SMC3: variants seen among roughly 807,000 people sequenced by gnomAD.
The protein encoded by SMC3 is structural maintenance of chromosomes 3.
SMC3 carries 20 observed loss-of-function variants against 171.8 expected under a neutral mutation model. The observed-to-expected ratio is 0.12, with a 90% CI of 0.08 to 0.17. The LOEUF is 0.17. SMC3 is among the 10% of genes least tolerant of loss of function. The pLI is 1.00. For synonymous variants in SMC3, 464 were observed against 451.1 expected (o/e 1.03, Z -0.36); for missense variants, 543 against 1,420.4 (o/e 0.38, Z 9.93).
chr10:110,572,138 T>C (rs1860881671), intron 2 of SMC3, among the ~76,000 whole-genome samples: 2 of 152,212 alleles, frequency 1.3e-5, no homozygotes, highest in South Asian at 4.1e-4. Flanking sequence ...TCACCTGTTG[T>C]TAACATTTTC....
intron 7 of SMC3, 88 bp downstream of exon 7, chr10:110,578,794 A>G: frequency 1.0e-6 from 1 of 999,448 alleles, no homozygotes; most frequent in Non-Finnish European, 1.5e-6. Flanking sequence ...TTGAGTGGTT[A>G]AGCTGAAGCA....
intron 13 of SMC3, among the ~76,000 whole-genome samples, chr10:110,589,155 C>T (rs534486445): frequency 1.3e-5 from 2 of 151,806 alleles, no homozygotes; most frequent in East Asian, 1.9e-4. Context: ...TTTGGGAGGC[C>T]GAGACGGGCG....
intron 4 of SMC3, among the ~76,000 whole-genome samples, chr10:110,577,131 T>C (rs940939470): frequency 1.3e-5 from 2 of 152,166 alleles, no homozygotes; most frequent in African/African-American, 4.8e-5. Flanking sequence ...TCTTATTTTT[T>C]ATTTAGAATC....
Position 110,575,409 on chromosome 10 carries a change from T to TGA in SMC3, c.198+9_198+10dup, listed in dbSNP as rs1352357686. 1 of 1,600,024 alleles carries TGA rather than the reference T, an allele frequency of 6.2e-7. No homozygotes were observed. Among genetic ancestry groups the TGA allele is most frequent in the South Asian group, 1.1e-5 (1 of 90,818 alleles). On this transcript the variant is annotated splice_region_variant and intron_variant, in intron 4 of 28. Coordinates refer to ENST00000361804, the MANE Select transcript of SMC3 (RefSeq NM_005445.4). The stretch of plus-strand genomic sequence containing the variant: ...AGCGGTTGGCTTTATTGCATGTGAG[T>TGA]GAGACTGCTTTAAGACATTATTGAT...
Position 110,583,884 on chromosome 10 carries a change from A to G in SMC3, c.1013A>G (p.Glu338Gly). ...KERQKLLEKIEEKQKELAETE... is the reference protein window; with the variant it reads ...KERQKLLEKIGEKQKELAETE... ...AGGCAGAAGCTGCTTGAAAAAATAG[A>G]AGAAAAGCAGAAAGAACTGGCAGAA... is the stretch of plus-strand genomic sequence containing the variant. Residue 338 changes from glutamate to glycine, a missense_variant, in exon 12 of 29, where the codon GAA (glutamate) becomes GGA (glycine). By Grantham distance (98) the Glu-to-Gly change is moderately conservative (BLOSUM62 -2). Coordinates refer to ENST00000361804, the MANE Select transcript of SMC3 (RefSeq NM_005445.4). The G allele has an allele frequency of 1.2e-6, 2 of 1,613,804 alleles. No homozygotes were observed. Among genetic ancestry groups the G allele is most frequent in the Non-Finnish European group, 1.7e-6 (2 of 1,179,820 alleles).
intron 1 of SMC3, 32 bp from the exon 2 acceptor site, chr10:110,568,906 G>T: frequency 8.2e-7 from 1 of 1,220,736 alleles, no homozygotes; most frequent in Non-Finnish European, 1.2e-6. Context: ...TTTTTGTGGG[G>T]TGGGTTCTCA....
At chr10:110,583,043 C>T (rs1861055986) in intron 10 of SMC3, among the ~76,000 whole-genome samples, 1 of 151,474 alleles carries the variant, frequency 6.6e-6, no homozygotes, top group Admixed American at 6.6e-5. Context: ...GTGATCCTCC[C>T]ACCTCAGCCT....
chr10:110,592,306 G>A (rs184142043), intron 17 of SMC3, among the ~76,000 whole-genome samples: 2 of 152,060 alleles, frequency 1.3e-5, no homozygotes, highest in African/African-American at 4.8e-5. Flanking sequence ...GTGCAAGGAA[G>A]TGATTAGCAC....
Position 110,589,692 on chromosome 10 carries a change from C to A in SMC3, c.1393C>A (p.Leu465Ile). The change falls in exon 14 of 29, where the codon CTA becomes ATA. Residue 465 changes from leucine to isoleucine, a missense_variant. Leu to Ile is a conservative substitution (Grantham distance 5, BLOSUM62 2). Around this residue, in one of 8 missense-constraint regions of SMC3, gnomAD observed 218 missense variants for 509.6 expected, o/e 0.43. Coordinates refer to ENST00000361804, the MANE Select transcript of SMC3 (RefSeq NM_005445.4). ...CGAAGTAAAAAATAAGAAAGATGAACTACAAAGTGAAAGAAAGTTAGTATA... is the reference window on the plus strand; with the variant it reads ...CGAAGTAAAAAATAAGAAAGATGAAATACAAAGTGAAAGAAAGTTAGTATA... ...YYEVKNKKDELQSERNYLWRE... is the reference protein window; with the variant it reads ...YYEVKNKKDEIQSERNYLWRE... The A allele has an allele frequency of 6.3e-7, 1 of 1,598,656 alleles. No individual in the cohort carries two copies. The highest frequency in any genetic ancestry group is 8.6e-7 in the Non-Finnish European group (1 of 1,167,022).
At chr10:110,596,300 T>C in intron 18 of SMC3, 98 bp from the exon 19 acceptor site, 2 of 1,126,302 alleles carry the variant, frequency 1.8e-6, no homozygotes, top group African/African-American at 1.6e-5. Context: ...CAATTCTCAT[T>C]ATCTACTTAA....
At chr10:110,601,411 T>C (rs1167586817) in intron 23 of SMC3, among the ~76,000 whole-genome samples, 2 of 152,206 alleles carry the variant, frequency 1.3e-5, no homozygotes, top group African/African-American at 4.8e-5. Context: ...AGAAAATAAC[T>C]ATAGTTTATA....
chr10:110,578,488 A>C (rs1860988460), intron 6 of SMC3, 140 bp from the exon 7 acceptor site: 2 of 655,904 alleles, frequency 3.0e-6, no homozygotes, highest in Non-Finnish European at 5.4e-6. Flanking sequence ...CATAAGAATC[A>C]GAAAGTTCTG....
chr10:110,604,203 A>T, intron 28 of SMC3, 28 bp from the exon 29 acceptor site: 1 of 1,499,990 alleles, frequency 6.7e-7, no homozygotes, highest in Non-Finnish European at 9.3e-7. Flanking sequence ...TAATTAACAG[A>T]TTTTTGTTTT....
chr10:110,567,704 A>T lies in SMC3; in HGVS notation c.-113A>T, dbSNP rs1860787731. The T allele has an allele frequency of 1.5e-6, 2 of 1,319,560 alleles. No individual in the cohort carries two copies. The highest frequency in any genetic ancestry group is 2.2e-6 in the Non-Finnish European group (2 of 923,654). 81.7% of individuals were successfully genotyped at this position (1,319,560 alleles called of 1,614,324 possible). On this transcript the variant is annotated 5_prime_UTR_variant, in exon 1 of 29. Transcript: ENST00000361804. ...CGAGCGCCGCCATTTTGTTTGGCTG[A>T]GGGGAGCGAGCGGCGCTTTGGGGGA...
intron 13 of SMC3, among the ~76,000 whole-genome samples, chr10:110,589,194 C>T (rs920405497): frequency 4.6e-5 from 7 of 151,856 alleles, no homozygotes; most frequent in Non-Finnish European, 7.4e-5. Context: ...TCGAGACCAT[C>T]CTGGCTAACA....
Position 110,581,216 on chromosome 10 carries a change from C to CTT in SMC3, c.547+213_547+214dup, listed in dbSNP as rs59798192. 2.2e-3 allele frequency among the ~76,000 whole-genome samples: 232 copies of CTT among 103,144 alleles called. 1 individual carries two copies. The highest frequency in any genetic ancestry group is 4.5e-3 in the Admixed American group (45 of 10,046). 67.7% of individuals were successfully genotyped at this position (103,144 alleles called of 152,430 possible). On this transcript the variant is annotated intron_variant, in intron 8 of 28. Transcript: ENST00000361804. ...AAAATATTGTGGAAACGCACACTGA[C>CTT]TTTTTTTTTTTTTTTTTTTGAGATG... is the stretch of plus-strand genomic sequence containing the variant.
At chr10:110,590,377 T>C (rs759051378) in intron 15 of SMC3, 35 bp from the exon 16 acceptor site, 15 of 1,575,454 alleles carry the variant, frequency 9.5e-6, no homozygotes, top group African/African-American at 2.7e-5. Context: ...ATTGATGATA[T>C]TATTTTAATA....
At chr10:110,580,517 A>G (rs1861015577) in intron 7 of SMC3, among the ~76,000 whole-genome samples, 1 of 152,192 alleles carries the variant, frequency 6.6e-6, no homozygotes, top group Non-Finnish European at 1.5e-5. Flanking sequence ...AGTAAAGGAG[A>G]CATAGATATG....
chr10:110,569,377 C>G (rs1466931766), intron 2 of SMC3, among the ~76,000 whole-genome samples: 2 of 148,722 alleles, frequency 1.3e-5, no homozygotes, highest in Non-Finnish European at 3.0e-5. Context: ...GCCAGGATTC[C>G]CCCCCCACCC....
Sources: gnomAD v4.1 joint callset for allele counts (sites outside exome capture counted in the v4.1 genomes callset) on GRCh38, gnomAD v4.1.1 for gene constraint, gnomAD v4.1.1 regional missense constraint, MANE v1.5 for transcripts, NCBI Gene and HGNC (gene_info 2026-07-23, HGNC 2026-07-21) for gene names.